The following ADARB2 variants were observed in gnomAD, a reference collection of about 807,000 sequenced individuals.
ADARB2 encodes adenosine deaminase RNA specific B2 (inactive), also known as inactive double-stranded RNA-specific editase B2.
In ADARB2, 25 loss-of-function variants were observed where a neutral mutation model predicts 62.2. The observed-to-expected ratio is 0.40, with a 90% CI of 0.29 to 0.56. The LOEUF (loss-of-function observed/expected upper bound fraction) is 0.56, where lower values mean the gene tolerates loss of function less well. ADARB2 is among the 20% of genes least tolerant of loss of function. The pLI is 0.43. For synonymous variants in ADARB2, 572 were observed against 500.8 expected (o/e 1.14, Z -1.90); for missense variants, 1,071 against 1,077.4 (o/e 0.99, Z 0.08).
intron 1 of ADARB2, among the ~76,000 whole-genome samples, chr10:1,714,537 T>G (rs566527659): frequency 6.6e-6 from 1 of 152,262 alleles, no homozygotes; most frequent in Non-Finnish European, 1.5e-5. Flanking sequence ...AACAGTCTTC[T>G]CTGTATTCAG....
intron 8 of ADARB2, chr10:1,187,931 T>A (rs1278776629): frequency 6.1e-6 from 2 of 328,368 alleles, no homozygotes; most frequent in Non-Finnish European, 1.3e-5. Context: ...TGTGATGACG[T>A]AAATCACACT....
chr10:1,260,784 C>G (rs1401207908), intron 4 of ADARB2, among the ~76,000 whole-genome samples: 4 of 121,000 alleles, frequency 3.3e-5, no homozygotes, highest in Non-Finnish European at 7.3e-5. Flanking sequence ...ACTTTCTTCA[C>G]AGAATTGGAA....
At chr10:1,575,701 T>G (rs918710875) in intron 1 of ADARB2, among the ~76,000 whole-genome samples, 1 of 152,168 alleles carries the variant, frequency 6.6e-6, no homozygotes, top group African/African-American at 2.4e-5. Flanking sequence ...GAGGTTCAGC[T>G]GGGGGACTCT....
chr10:1,226,682 C>T (rs969148963), intron 6 of ADARB2, among the ~76,000 whole-genome samples: 8 of 152,200 alleles, frequency 5.3e-5, no homozygotes, highest in African/African-American at 1.9e-4. Context: ...CCACTCCAGA[C>T]CCTGTTTGCC....
Position 1,184,869 on chromosome 10 carries a change from A to G in ADARB2, c.2035T>C (p.Tyr679His). 6.2e-7 allele frequency: 1 copy of G among 1,612,790 alleles called. No individual in the cohort carries two copies. The highest frequency in any genetic ancestry group is 8.5e-7 in the Non-Finnish European group (1 of 1,179,546). Residue 679 changes from tyrosine (Y) to histidine (H), a missense_variant, in exon 9 of 10, where the codon TAT becomes CAT. Tyr to His is a moderately conservative substitution (Grantham distance 83). Transcript: ENST00000381312. ...GGATGGGTGCGACCTACCCTGCCAT[A>G]CAGCCGCGCCCACCGTGCAGACAGC... is the stretch of plus-strand genomic sequence containing the variant. ...HVLSARWARL[Y>H]GRLSTRTPSP... is the part of the protein sequence containing the mutation.
intron 1 of ADARB2, among the ~76,000 whole-genome samples, chr10:1,568,692 AG>A (rs1832891005): frequency 6.6e-6 from 1 of 152,164 alleles, no homozygotes; most frequent in Admixed American, 6.6e-5. Flanking sequence ...TTTGGAGACC[AG>A]GCCCTTGGAC....
intron 1 of ADARB2, among the ~76,000 whole-genome samples, chr10:1,406,915 C>T (rs566969965): frequency 2.5e-3 from 381 of 152,226 alleles, no homozygotes; most frequent in Non-Finnish European, 3.9e-3. Flanking sequence ...GGAGCTTATG[C>T]CCCCCTCGCC....
chr10:1,702,667 GC>G (rs1410070244), intron 1 of ADARB2, among the ~76,000 whole-genome samples: 2 of 152,164 alleles, frequency 1.3e-5, no homozygotes, highest in Non-Finnish European at 2.9e-5. Context: ...AAGACCTTCT[GC>G]CCCCATTCCC....
intron 1 of ADARB2, among the ~76,000 whole-genome samples, chr10:1,512,049 C>T (rs746184881): frequency 7.2e-5 from 11 of 151,968 alleles, no homozygotes; most frequent in South Asian, 4.2e-4. Context: ...GATGTCAAGA[C>T]ATGGATGCTG....
intron 1 of ADARB2, among the ~76,000 whole-genome samples, chr10:1,520,736 C>A (rs1832063349): frequency 1.3e-5 from 2 of 152,168 alleles, no homozygotes; most frequent in South Asian, 4.1e-4. Context: ...ATATGTATCA[C>A]CTCCTATGAT....
chr10:1,527,492 C>CA (rs1259168472), intron 1 of ADARB2, among the ~76,000 whole-genome samples: 2 of 152,122 alleles, frequency 1.3e-5, no homozygotes, highest in African/African-American at 4.8e-5. Flanking sequence ...CAATAATCCA[C>CA]AAAAACTAAA....
chr10:1,555,327 C>T (rs926154236), intron 1 of ADARB2, among the ~76,000 whole-genome samples: 1 of 152,246 alleles, frequency 6.6e-6, no homozygotes, highest in Non-Finnish European at 1.5e-5. Flanking sequence ...ATTTACATTT[C>T]TACCAACAGC....
chr10:1,390,230 C>A (rs1004968343), intron 1 of ADARB2, among the ~76,000 whole-genome samples: 5 of 152,168 alleles, frequency 3.3e-5, no homozygotes, highest in African/African-American at 1.2e-4. Context: ...CAGTGTGGTT[C>A]CATTTACATA....
At chr10:1,369,814 G>C (rs1832351626) in intron 2 of ADARB2, among the ~76,000 whole-genome samples, 1 of 152,116 alleles carries the variant, frequency 6.6e-6, no homozygotes, top group Admixed American at 6.5e-5. Flanking sequence ...GCTTTTCCCT[G>C]GCTCCCACTT....
intron 1 of ADARB2, among the ~76,000 whole-genome samples, chr10:1,430,050 A>G (rs1039718495): frequency 6.6e-6 from 1 of 152,242 alleles, no homozygotes; most frequent in Non-Finnish European, 1.5e-5. Context: ...CCTTTTCCTC[A>G]TGTGGCGCTC....
At position 1,185,029 on chromosome 10, in the gene ADARB2, G is replaced by A. The variant is rs755187591; in HGVS notation, c.1875C>T (p.Asp625=). The A allele has an allele frequency of 9.3e-6, 15 of 1,611,982 alleles. No homozygotes were observed. The African/African-American group carries it at 1.2e-4, about 13-fold the overall frequency. The change falls in exon 9 of 10, where the codon GAC becomes GAT. Residue 625 remains aspartate (D), a synonymous_variant. Transcript: ENST00000381312. ...ACTTCCCCGGCTGGCGCGCCTCGGC[G>A]TCACTCACGCCTGTCGGGGAGATGG... ...HNRPLLSGVS[D]AEARQPGKSP...
chr10:1,507,169 A>G (rs1831862920), intron 1 of ADARB2, among the ~76,000 whole-genome samples: 1 of 152,212 alleles, frequency 6.6e-6, no homozygotes, highest in Non-Finnish European at 1.5e-5. Context: ...TGACTTCCCT[A>G]TAGGAGGGCA....
At chr10:1,611,162 G>C (rs7901920) in intron 1 of ADARB2, among the ~76,000 whole-genome samples, 1 of 152,204 alleles carries the variant, frequency 6.6e-6, no homozygotes, top group Non-Finnish European at 1.5e-5. Flanking sequence ...CCCCAGAAAG[G>C]CTGAGGAGTG....
At position 1,340,790 on chromosome 10, in the gene ADARB2, G is replaced by A. The variant is rs571803999; in HGVS notation, c.1077+22238C>T. On this transcript the variant is annotated intron_variant, in intron 3 of 9. Coordinates refer to ENST00000381312, the MANE Select transcript of ADARB2 (RefSeq NM_018702.4). Reference sequence around the variant, plus strand: ...CAGCGGCGATAACCAGCATCCACCAGAGAACCACGCGCCCCACAGCGGCAA... The same window carrying A: ...CAGCGGCGATAACCAGCATCCACCAAAGAACCACGCGCCCCACAGCGGCAA... 5.0e-5 allele frequency among the ~76,000 whole-genome samples: 7 copies of A among 140,756 alleles called. No individual in the cohort carries two copies. The East Asian group carries it at 1.6e-3, about 31-fold the overall frequency. The allele number at this position is 140,756 out of a possible 152,430, so 92.3% of individuals were successfully genotyped here. A position where few individuals can be genotyped will look rare whatever the true frequency, so the allele number is the denominator to read the frequency against.
Sources: allele counts gnomAD v4.1 joint callset (sites outside exome capture counted in the v4.1 genomes callset), GRCh38; gene constraint gnomAD v4.1.1; transcripts MANE v1.5; gene names NCBI Gene and HGNC (gene_info 2026-07-23, HGNC 2026-07-21).